Variants in PTPRM observed in about 807,000 individuals in gnomAD.
The protein encoded by PTPRM is receptor-type tyrosine-protein phosphatase mu.
Under a neutral mutation model 186.7 loss-of-function variants are expected in PTPRM, and 47 were observed. The observed-to-expected ratio is 0.25, with a 90% confidence interval of 0.20 to 0.32. The LOEUF (loss-of-function observed/expected upper bound fraction) is 0.32. Ranked by LOEUF, PTPRM falls within the 10% of genes least tolerant of loss-of-function variation. PTPRM has a pLI of 1.00. For synonymous variants in PTPRM, 668 were observed against 674.9 expected, an observed-to-expected ratio of 0.99 and a Z score of 0.16; for missense variants, 1,494 against 1,865.0, an observed-to-expected ratio of 0.80 and a Z score of 3.66.
intron 1 of PTPRM, among the ~76,000 whole-genome samples, chr18:7,616,116 C>T (rs1484655212): frequency 6.6e-6 from 1 of 152,086 alleles, no homozygotes; most frequent in Non-Finnish European, 1.5e-5. Context: ...GGTTGTGGAC[C>T]CCTGATTTAA....
chr18:7,691,793 G>C (rs2039739479), intron 1 of PTPRM, among the ~76,000 whole-genome samples: 1 of 152,126 alleles, frequency 6.6e-6, no homozygotes, highest in Non-Finnish European at 1.5e-5. Context: ...AAAACAATTG[G>C]TCATGGTGGC....
intron 2 of PTPRM, among the ~76,000 whole-genome samples, chr18:7,865,355 G>T (rs189990088): frequency 1.2e-4 from 19 of 152,196 alleles, no homozygotes; most frequent in Middle Eastern, 6.8e-3. Flanking sequence ...TTTGAGATAC[G>T]TCCCATTGAT....
At chr18:8,172,492 T>TA (rs1343954566) in intron 14 of PTPRM, among the ~76,000 whole-genome samples, 19 of 152,020 alleles carry the variant, frequency 1.2e-4, no homozygotes, top group Admixed American at 2.6e-4. Flanking sequence ...TCCGGGTACT[T>TA]ACAACAGTGC....
chr18:8,007,254 G>A (rs7237410), intron 7 of PTPRM, among the ~76,000 whole-genome samples: 12,068 of 152,054 alleles, frequency 0.079, 566 homozygotes, highest in Middle Eastern at 0.27. Flanking sequence ...ACTAACATAC[G>A]CTTCTCAAAA....
intron 14 of PTPRM, among the ~76,000 whole-genome samples, chr18:8,183,072 C>T (rs2146605861): frequency 6.6e-6 from 1 of 152,308 alleles, no homozygotes; most frequent in Non-Finnish European, 1.5e-5. Context: ...TGTAGTCACA[C>T]AGCACTTATA....
intron 19 of PTPRM, among the ~76,000 whole-genome samples, chr18:8,260,145 G>A (rs2094613743): frequency 6.6e-6 from 1 of 151,952 alleles, no homozygotes; most frequent in African/African-American, 2.4e-5. Context: ...CGAGCAGTGA[G>A]AGAGGACCAA....
chr18:7,872,264 C>A (rs2048020066), intron 2 of PTPRM, among the ~76,000 whole-genome samples: 1 of 152,188 alleles, frequency 6.6e-6, no homozygotes, highest in African/African-American at 2.4e-5. Context: ...CTCTCAGTAT[C>A]CATTCAGACA....
chr18:7,576,467 T>G (rs1232963118), intron 1 of PTPRM, among the ~76,000 whole-genome samples: 1 of 152,096 alleles, frequency 6.6e-6, no homozygotes, highest in Non-Finnish European at 1.5e-5. Context: ...GTATAGTCTG[T>G]GTTTTTTTGA....
chr18:8,257,984 T>A (rs957375452), intron 19 of PTPRM, among the ~76,000 whole-genome samples: 2 of 152,206 alleles, frequency 1.3e-5, no homozygotes, highest in Non-Finnish European at 2.9e-5. Context: ...GCAGGTTTTT[T>A]ATTTGATTTT....
At chr18:7,664,237 G>T (rs1227008224) in intron 1 of PTPRM, among the ~76,000 whole-genome samples, 1 of 152,232 alleles carries the variant, frequency 6.6e-6, no homozygotes, top group Non-Finnish European at 1.5e-5. Context: ...GAGGAGCCAG[G>T]GTGGGGCCAG....
intron 7 of PTPRM, among the ~76,000 whole-genome samples, chr18:8,019,159 T>C (rs1482809356): frequency 1.3e-5 from 2 of 152,304 alleles, no homozygotes; most frequent in South Asian, 4.1e-4. Flanking sequence ...TGAGATTCTG[T>C]TGTGCAGTGT....
intron 30 of PTPRM, among the ~76,000 whole-genome samples, chr18:8,386,124 T>G (rs678682): frequency 0.29 from 43,853 of 152,030 alleles, 7,321 homozygotes; most frequent in Non-Finnish European, 0.37. Flanking sequence ...AGAAGCTCAA[T>G]TGTAGACATA....
chr18:8,344,383 G>GATATAT (rs61028996), intron 23 of PTPRM, among the ~76,000 whole-genome samples: 5 of 144,816 alleles, frequency 3.5e-5, no homozygotes, highest in African/African-American at 5.2e-5. Flanking sequence ...CAGTAAGTAG[G>GATATAT]ATATATATAT....
chr18:7,590,719 A>G (rs2037103824), intron 1 of PTPRM, among the ~76,000 whole-genome samples: 1 of 152,174 alleles, frequency 6.6e-6, no homozygotes, highest in South Asian at 2.1e-4. Flanking sequence ...ACTAGTGACA[A>G]AATCATTTGT....
chr18:7,665,637 A>G (rs896937898), intron 1 of PTPRM, among the ~76,000 whole-genome samples: 1 of 152,126 alleles, frequency 6.6e-6, no homozygotes, highest in African/African-American at 2.4e-5. Flanking sequence ...GGTTTAATAG[A>G]ATATATTGGA....
At chr18:8,260,933 G>A (rs2094624505) in intron 19 of PTPRM, among the ~76,000 whole-genome samples, 2 of 152,190 alleles carry the variant, frequency 1.3e-5, no homozygotes, top group Non-Finnish European at 2.9e-5. Context: ...TCAGAATGGT[G>A]CACAGCAGCC....
intron 4 of PTPRM, among the ~76,000 whole-genome samples, chr18:7,907,597 A>T (rs1158710618): frequency 6.6e-6 from 1 of 152,078 alleles, no homozygotes; most frequent in African/African-American, 2.4e-5. Context: ...CCTGAGGGGG[A>T]TAGTCAGGGT....
At chr18:8,037,368 G>C (rs1869557663) in intron 7 of PTPRM, among the ~76,000 whole-genome samples, 1 of 152,040 alleles carries the variant, frequency 6.6e-6, no homozygotes, top group South Asian at 2.1e-4. Flanking sequence ...TCAGATAATG[G>C]CTTCTTTAGA....
chr18:7,817,240 G>A (rs985686681), intron 2 of PTPRM, among the ~76,000 whole-genome samples: 11 of 152,156 alleles, frequency 7.2e-5, no homozygotes, highest in African/African-American at 2.7e-4. Flanking sequence ...ATCCCAAAGT[G>A]TTGGGATTAA....
Sources: gnomAD v4.1 joint callset for allele counts (sites outside exome capture counted in the v4.1 genomes callset) on GRCh38, gnomAD v4.1.1 for gene constraint, MANE v1.5 for transcripts, NCBI Gene and HGNC (gene_info 2026-07-23, HGNC 2026-07-21) for gene names.